XRN1: variants seen among roughly 807,000 people sequenced by gnomAD.
The protein encoded by XRN1 is 5'-3' exoribonuclease 1, also known as strand-exchange protein 1 homolog.
A neutral mutation model predicts 222.3 loss-of-function variants in XRN1; 67 were observed. The ratio of observed to expected loss-of-function variants is 0.30; its 90% CI spans 0.25 to 0.37. The LOEUF (loss-of-function observed/expected upper bound fraction) is 0.37. Among genes scored for constraint, XRN1 ranks in the 10% least tolerant of loss-of-function variants. XRN1 has a pLI of 1.00. For synonymous variants in XRN1, 643 were observed against 652.4 expected (o/e 0.99, Z 0.22); for missense variants, 1,707 against 2,000.2 (o/e 0.85, Z 2.80).
chr3:142,415,269 T>C (rs774764970), intron 13 of XRN1, among the ~76,000 whole-genome samples: 41 of 152,176 alleles, frequency 2.7e-4, no homozygotes, highest in Non-Finnish European at 4.8e-4. Context: ...GCTTCTAATG[T>C]TTGAGTCAGG....
chr3:142,320,347 T>A (rs1375722197), intron 37 of XRN1, among the ~76,000 whole-genome samples: 1 of 152,192 alleles, frequency 6.6e-6, no homozygotes, highest in Non-Finnish European at 1.5e-5. Context: ...ATTTCTTTCA[T>A]GTTTGTTGGC....
At chr3:142,368,539 T>C (rs1189756003) in intron 27 of XRN1, among the ~76,000 whole-genome samples, 1 of 152,258 alleles carries the variant, frequency 6.6e-6, no homozygotes, top group Non-Finnish European at 1.5e-5. Context: ...AGGGAAAATG[T>C]GTGAAACATT....
chr3:142,324,085 G>T (rs1218590203), intron 37 of XRN1, among the ~76,000 whole-genome samples: 10 of 145,152 alleles, frequency 6.9e-5, no homozygotes, highest in African/African-American at 2.5e-4. Flanking sequence ...TTTTTTTTCA[G>T]TTTTTTTTTT....
At chr3:142,444,035 T>C (rs1041885670) in intron 1 of XRN1, among the ~76,000 whole-genome samples, 2 of 152,060 alleles carry the variant, frequency 1.3e-5, no homozygotes, top group African/African-American at 4.8e-5. Flanking sequence ...ATCAAAACAA[T>C]AGAACTCATG....
At chr3:142,340,373 C>G (rs1025992738) in intron 33 of XRN1, among the ~76,000 whole-genome samples, 2 of 151,140 alleles carry the variant, frequency 1.3e-5, no homozygotes, top group Admixed American at 6.6e-5. Context: ...ACCACACACA[C>G]AGAGAAGAGA....
chr3:142,344,659 GA>G (rs1198871747), intron 33 of XRN1, among the ~76,000 whole-genome samples: 1 of 151,948 alleles, frequency 6.6e-6, no homozygotes, highest in Non-Finnish European at 1.5e-5. Context: ...AAAAAAGCAT[GA>G]AAAAGAGTAA....
chr3:142,383,664 C>T (rs973232590), intron 21 of XRN1, among the ~76,000 whole-genome samples: 1 of 152,172 alleles, frequency 6.6e-6, no homozygotes, highest in African/African-American at 2.4e-5. Flanking sequence ...CCTCACTTTA[C>T]AGATGACAAA....
chr3:142,334,556 A>G (rs1181561182), intron 34 of XRN1, among the ~76,000 whole-genome samples: 1 of 151,910 alleles, frequency 6.6e-6, no homozygotes, highest in Non-Finnish European at 1.5e-5. Flanking sequence ...GGCTTCCCCC[A>G]CACCAATCTA....
intron 1 of XRN1, among the ~76,000 whole-genome samples, chr3:142,445,557 TAC>T (rs1269591539): frequency 1.3e-5 from 2 of 152,358 alleles, no homozygotes; most frequent in African/African-American, 4.8e-5. Flanking sequence ...TGTTAAAAAA[TAC>T]AGTGGTTTGC....
At chr3:142,366,565 T>TA (rs1317486103) in intron 27 of XRN1, among the ~76,000 whole-genome samples, 1 of 152,144 alleles carries the variant, frequency 6.6e-6, no homozygotes, top group African/African-American at 2.4e-5. Flanking sequence ...ATAAGGAAGA[T>TA]ATATAGCATG....
intron 29 of XRN1, among the ~76,000 whole-genome samples, 185 bp downstream of exon 29, chr3:142,364,862 A>G (rs1164746212): frequency 1.3e-5 from 2 of 152,120 alleles, no homozygotes; most frequent in African/African-American, 4.8e-5. Context: ...ATTATACAAT[A>G]AAAAACAGAA....
chr3:142,384,950 G>A (rs141828704), intron 20 of XRN1, among the ~76,000 whole-genome samples: 17 of 152,162 alleles, frequency 1.1e-4, no homozygotes, highest in African/African-American at 2.4e-4. Flanking sequence ...CACTAGGATC[G>A]TTATAATTAA....
At position 142,403,992 on chromosome 3, in the gene XRN1, A is replaced by G. The variant is rs112883409; in HGVS notation, c.1884-3T>C. 9.2e-4 allele frequency: 1,438 copies of G among 1,561,094 alleles called. 16 individuals carry two copies. The African/African-American group carries it at 0.017, about 18-fold the overall frequency. On this transcript the variant is annotated splice_region_variant and splice_polypyrimidine_tract_variant and intron_variant, in intron 16 of 40. Coordinates refer to ENST00000392981, the MANE Select transcript of XRN1 (RefSeq NM_001282857.2). The stretch of plus-strand genomic sequence containing the variant: ...CATCTAAGGATATTATTTTATACCT[A>G]GAAAATAAATCAAGGCATTTAATTT...
intron 20 of XRN1, among the ~76,000 whole-genome samples, chr3:142,394,248 G>A (rs912195136): frequency 2.6e-5 from 4 of 152,070 alleles, no homozygotes; most frequent in African/African-American, 9.7e-5. Flanking sequence ...TTGCCTCTTT[G>A]TCTCTTCATT....
rs918923920 is a variant in XRN1, at chr3:142,307,814, C to A, written c.*3697G>T. ...TGACAAAGCTTACAAAATGTATATA[C>A]TGAGCACTGCCAGTTTGAGTACTAT... On this transcript the variant is annotated 3_prime_UTR_variant, in exon 41 of 41. Coordinates refer to ENST00000392981, the MANE Select transcript of XRN1 (RefSeq NM_001282857.2). The A allele has an allele frequency of 2.0e-5, 3 of 152,206 alleles. No homozygotes were observed. Among genetic ancestry groups the A allele is most frequent in the Non-Finnish European group, 4.4e-5 (3 of 68,022 alleles). 9.4% of individuals were successfully genotyped at this position (152,206 alleles called of 1,614,324 possible).
chr3:142,410,984 T>C (rs1577387173), intron 15 of XRN1, among the ~76,000 whole-genome samples: 1 of 152,338 alleles, frequency 6.6e-6, no homozygotes, highest in Non-Finnish European at 1.5e-5. Context: ...CTTAAATGTT[T>C]GCTAGAATTC....
At chr3:142,385,061 G>C (rs753209486) in intron 20 of XRN1, among the ~76,000 whole-genome samples, 15 of 152,074 alleles carry the variant, frequency 9.9e-5, no homozygotes, top group Non-Finnish European at 1.6e-4. Context: ...TGTGGAAAAC[G>C]GTTTGGCAGT....
intron 15 of XRN1, among the ~76,000 whole-genome samples, chr3:142,409,715 G>A (rs775102516): frequency 3.3e-5 from 5 of 152,096 alleles, no homozygotes; most frequent in Non-Finnish European, 7.4e-5. Flanking sequence ...TTTTCACTGG[G>A]ATTGAATTTA....
chr3:142,370,200 C>T (rs1419157635), intron 27 of XRN1, among the ~76,000 whole-genome samples: 1 of 151,824 alleles, frequency 6.6e-6, no homozygotes, highest in African/African-American at 2.4e-5. Context: ...AATACTATGG[C>T]TTTTGTATAT....
Sources: gnomAD v4.1 joint callset for allele counts (sites outside exome capture counted in the v4.1 genomes callset) on GRCh38, gnomAD v4.1.1 for gene constraint, MANE v1.5 for transcripts, NCBI Gene and HGNC (gene_info 2026-07-23, HGNC 2026-07-21) for gene names.